SIRPB1: variants seen among roughly 807,000 people sequenced by gnomAD.
The protein encoded by SIRPB1 is signal-regulatory protein beta-1.
SIRPB1 carries 28 observed loss-of-function variants against 34.1 expected under a neutral mutation model. That is an observed-to-expected ratio of 0.82 (90% CI 0.61 to 1.12). The LOEUF is 1.12. SIRPB1 is among the 50% of genes most tolerant of loss of function. SIRPB1 has a pLI of 0.00. For missense variants in SIRPB1, 499 were observed against 507.0 expected (o/e 0.98, Z 0.15); for synonymous variants, 211 against 203.8 (o/e 1.04, Z -0.30).
rs774000840 is a variant in SIRPB1 at position 1,578,629 on chromosome 20, C to T, written c.142G>A (p.Glu48Lys). ...PEKSVSVAAG[E>K]SATLRCAMTS... ...ATAGCACAGCGCAGAGTGGCCGACT[C>T]TCCAGCTGCAACTGATACGGACTTT... Residue 48 changes from glutamate to lysine, a missense_variant, in exon 2 of 6, where the codon GAG (glutamate) becomes AAG (lysine). Transcript: ENST00000381605. 1.9e-6 allele frequency: 3 copies of T among 1,584,480 alleles called. No individual in the cohort carries two copies. Among genetic ancestry groups the T allele is most frequent in the South Asian group, 2.2e-5 (2 of 90,500 alleles).
chr20:1,579,625 T>C (rs577426485), intron 1 of SIRPB1, among the ~76,000 whole-genome samples: 15 of 148,850 alleles, frequency 1.0e-4, no homozygotes, highest in African/African-American at 3.7e-4. Context: ...AACCTTGTTT[T>C]AAGCCCCTGG....
At position 1,566,123 on chromosome 20, in the gene SIRPB1, C is replaced by T. The variant is rs78745462; in HGVS notation, c.*2+30G>A. On this transcript the variant is annotated intron_variant, in intron 5 of 5. Transcript: ENST00000381605. ...CTGGCCTTGCCTTTCTGGAGGAGCC[C>T]TTGGTCAGTCCTCCCTCTCCTAAAC... is the stretch of plus-strand genomic sequence containing the variant. The T allele has an allele frequency of 1.1e-3, 1,614 of 1,468,808 alleles. 22 individuals are homozygous for T. In the African/African-American group the frequency reaches 0.021, roughly 19 times the overall value. The allele number at this position is 1,468,808 out of a possible 1,614,324, so 91.0% of individuals were successfully genotyped here. A position where few individuals can be genotyped will look rare whatever the true frequency, so the allele number is the denominator to read the frequency against.
At chr20:1,571,272 T>G (rs1159094539) in intron 3 of SIRPB1, 135 bp from the exon 4 acceptor site, 7 of 916,756 alleles carry the variant, frequency 7.6e-6, no homozygotes, top group Non-Finnish European at 1.1e-5. Flanking sequence ...TGCTCAGACA[T>G]TGAGGGCACT....
Position 1,582,984 on chromosome 20 carries a change from T to C in SIRPB1, c.77-4290A>G, listed in dbSNP as rs553870620. ...ATCAAATATGTGTATAATGTGTGAA[T>C]TGCTTAGTGGAACACTTTCTCAGGA... On this transcript the variant is annotated intron_variant, in intron 1 of 5. Transcript: ENST00000381605. 5.5e-4 allele frequency among the ~76,000 whole-genome samples: 27 copies of C among 49,328 alleles called. 11 individuals carry two copies. The South Asian group carries it at 9.5e-3, about 17-fold the overall frequency. 32.4% of individuals were successfully genotyped at this position (49,328 alleles called of 152,430 possible).
Position 1,594,292 on chromosome 20 carries a change from G to A in SIRPB1, c.77-15598C>T, listed in dbSNP as rs1299470486. ...GGATCCGTGCTTGGAGCAGCAAGTT[G>A]CCTTCCCAAGGAAGGAACTGTCAAG... is the stretch of plus-strand genomic sequence containing the variant. On this transcript the variant is annotated intron_variant, in intron 1 of 5. Coordinates refer to ENST00000381605, the MANE Select transcript of SIRPB1 (RefSeq NM_006065.5). 1.6e-4 allele frequency among the ~76,000 whole-genome samples: 8 copies of A among 49,060 alleles called. 4 individuals carry two copies. Among genetic ancestry groups the A allele is most frequent in the Admixed American group, 2.7e-4 (2 of 7,360 alleles). The allele number at this position is 49,060 out of a possible 152,430, so 32.2% of individuals were successfully genotyped here. A position where few individuals can be genotyped will look rare whatever the true frequency, so the allele number is the denominator to read the frequency against.
In SIRPB1 at chr20:1,578,574, A is replaced by T. The variant is rs767925870; in HGVS notation, c.197T>A (p.Met66Lys). 7 of 1,583,860 alleles carry T rather than the reference A, an allele frequency of 4.4e-6. 1 individual carries two copies. In the African/African-American group the frequency reaches 5.4e-5, roughly 12 times the overall value. ...GCCTGCTCCAGCTCCTCTAAACCAC[A>T]TGATGGGCCCCACAGGGATCAGGGA... ...MTSLIPVGPI[M>K]WFRGAGAGRE... The change falls in exon 2 of 6, where the codon ATG becomes AAG. Residue 66 changes from methionine (M) to lysine (K), a missense_variant. Met to Lys is a moderately conservative substitution (Grantham distance 95). Transcript: ENST00000381605.
rs1299270759 is a variant in SIRPB1 at position 1,588,343 on chromosome 20, A to C, written c.77-9649T>G. On this transcript the variant is annotated intron_variant, in intron 1 of 5. Transcript: ENST00000381605. ...AATGAAATAGATCAAAATGTAAGTAATTGTGGTGGTGAGTCAATCATCCTG... is the reference window on the plus strand; with the variant it reads ...AATGAAATAGATCAAAATGTAAGTACTTGTGGTGGTGAGTCAATCATCCTG... Among the ~76,000 whole-genome samples the C allele has an allele frequency of 4.1e-5, 2 of 48,738 alleles. 1 individual carries two copies. The highest frequency in any genetic ancestry group is 1.2e-3 in the East Asian group (2 of 1,666). 32.0% of individuals were successfully genotyped at this position (48,738 alleles called of 152,430 possible). A position where few individuals can be genotyped will look rare whatever the true frequency, so the allele number is the denominator to read the frequency against.
At chr20:1,569,702 G>T (rs2091196834) in intron 4 of SIRPB1, among the ~76,000 whole-genome samples, 1 of 152,226 alleles carries the variant, frequency 6.6e-6, no homozygotes, top group African/African-American at 2.4e-5. Context: ...AAGAATAGAA[G>T]ATTGGGCCCC....
chr20:1,618,836 T>C (rs916300255), intron 1 of SIRPB1, among the ~76,000 whole-genome samples: 2 of 152,154 alleles, frequency 1.3e-5, no homozygotes, highest in African/African-American at 2.4e-5. Flanking sequence ...AAATTATCCA[T>C]GGGAAATTTA....
intron 1 of SIRPB1, chr20:1,611,638 G>A (rs1135196): frequency 0.51 from 574,021 of 1,129,496 alleles, 187,669 homozygotes; most frequent in East Asian, 0.77. Context: ...GCAGTGCAGA[G>A]TGGCCGACTC....
chr20:1,566,111 T>C, intron 5 of SIRPB1, 42 bp downstream of exon 5: 1 of 1,362,982 alleles, frequency 7.3e-7, no homozygotes, highest in Non-Finnish European at 1.0e-6. Flanking sequence ...GCCTTGCCTT[T>C]CTGGAGGAGC....
At chr20:1,619,134 A>C (rs1392978572) in intron 1 of SIRPB1, among the ~76,000 whole-genome samples, 1 of 152,198 alleles carries the variant, frequency 6.6e-6, no homozygotes, top group Non-Finnish European at 1.5e-5. Context: ...ACTTCAGTAG[A>C]AACTAACCCT....
rs1182954210 is a variant in SIRPB1 at position 1,612,324 on chromosome 20, G to A, written c.76+7545C>T. Among the ~76,000 whole-genome samples the A allele has an allele frequency of 2.8e-5, 2 of 72,596 alleles. 1 individual carries two copies. Among genetic ancestry groups the A allele is most frequent in the Non-Finnish European group, 5.2e-5 (2 of 38,714 alleles). 47.6% of individuals were successfully genotyped at this position (72,596 alleles called of 152,430 possible). ...GGTTCAATTTCAATGTAGAGCTTTG[G>A]GTTGAGGACCTGAGTAGAACTCTTG... On this transcript the variant is annotated intron_variant, in intron 1 of 5. Coordinates refer to ENST00000381605, the MANE Select transcript of SIRPB1 (RefSeq NM_006065.5).
intron 4 of SIRPB1, among the ~76,000 whole-genome samples, chr20:1,566,901 G>C (rs757801169): frequency 1.3e-5 from 2 of 152,018 alleles, no homozygotes; most frequent in Non-Finnish European, 2.9e-5. Context: ...AAATTCCCTG[G>C]TGAGTCAGGG....
At chr20:1,567,519 C>T (rs1009290213) in intron 4 of SIRPB1, among the ~76,000 whole-genome samples, 1 of 152,150 alleles carries the variant, frequency 6.6e-6, no homozygotes, top group South Asian at 2.1e-4. Flanking sequence ...CCTCAGGTGG[C>T]CTCCCAGAGA....
chr20:1,571,131 G>A lies in SIRPB1; in HGVS notation c.758C>T (p.Pro253Leu), dbSNP rs1327979803. Residue 253 changes from proline (P) to leucine (L), a missense_variant, in exon 4 of 6, where the codon CCC (proline) becomes CTC (leucine). Transcript: ENST00000381605. ...GGGCTGTTGAGTAACCTCCAAGGTG[G>A]GTGGAACTGAAACAGCACAGGGCAG... ...ANLSEAIRVP[P>L]TLEVTQQPMR... 1.7e-5 allele frequency: 27 copies of A among 1,613,034 alleles called. No homozygotes were observed. Among genetic ancestry groups the A allele is most frequent in the Non-Finnish European group, 2.3e-5 (27 of 1,179,412 alleles).
At position 1,569,190 on chromosome 20, in the gene SIRPB1, A is replaced by T. The variant is rs112885875; in HGVS notation, c.1084+1615T>A. ...AACTATTAACGACATTGAATCTATG[A>T]TTATAAAATATCCAAAAATATCCCT... is the stretch of plus-strand genomic sequence containing the variant. On this transcript the variant is annotated intron_variant, in intron 4 of 5. Coordinates refer to ENST00000381605, the MANE Select transcript of SIRPB1 (RefSeq NM_006065.5). 8.2e-3 allele frequency among the ~76,000 whole-genome samples: 1,244 copies of T among 152,344 alleles called. 23 individuals carry two copies. The highest frequency in any genetic ancestry group is 0.029 in the African/African-American group (1,206 of 41,574).
At chr20:1,573,790 G>A (rs2091275478) in intron 2 of SIRPB1, among the ~76,000 whole-genome samples, 1 of 146,462 alleles carries the variant, frequency 6.8e-6, no homozygotes, top group Non-Finnish European at 1.5e-5. Flanking sequence ...AGGGCCAAAA[G>A]TAGATAGAAA....
intron 1 of SIRPB1, among the ~76,000 whole-genome samples, chr20:1,618,166 G>A (rs1324672179): frequency 6.6e-6 from 1 of 152,156 alleles, no homozygotes; most frequent in Non-Finnish European, 1.5e-5. Context: ...AGTAAAATAT[G>A]TGGCCCATAG....
Sources: allele counts gnomAD v4.1 joint callset (sites outside exome capture counted in the v4.1 genomes callset), GRCh38; gene constraint gnomAD v4.1.1; transcripts MANE v1.5; gene names NCBI Gene and HGNC (gene_info 2026-07-23, HGNC 2026-07-21).